RERE: variants seen among roughly 807,000 people sequenced by gnomAD.
The protein encoded by RERE is arginine-glutamic acid dipeptide repeats.
RERE carries 40 observed loss-of-function variants against 146.1 expected under a neutral mutation model. That is an observed-to-expected ratio of 0.27 (90% CI 0.21 to 0.36). The LOEUF is 0.36. RERE is among the 10% of genes least tolerant of loss of function. The pLI is 1.00. For synonymous variants in RERE, 1,003 were observed against 866.0 expected, an observed-to-expected ratio of 1.16 and a Z score of -2.78; for missense variants, 1,933 against 2,138.7, an observed-to-expected ratio of 0.90 and a Z score of 1.90.
intron 1 of RERE, among the ~76,000 whole-genome samples, chr1:8,789,301 A>AAAAAAAAAAAAAATAT: frequency 4.8e-4 from 12 of 24,808 alleles, no homozygotes; most frequent in African/African-American, 1.9e-3. Flanking sequence ...AAAAAAAAAA[A>AAAAAAAAAAAAAATAT]ATATATATAT....
chr1:8,612,634 A>G (rs1343719220), intron 4 of RERE, among the ~76,000 whole-genome samples: 5 of 152,250 alleles, frequency 3.3e-5, no homozygotes, highest in African/African-American at 1.2e-4. Flanking sequence ...CTTAAAATCC[A>G]TTCAGCAATT....
At chr1:8,629,235 G>A (rs1185050086) in intron 2 of RERE, among the ~76,000 whole-genome samples, 1 of 152,134 alleles carries the variant, frequency 6.6e-6, no homozygotes, top group African/African-American at 2.4e-5. Context: ...CATGGGTCTA[G>A]GTTGAGACCT....
chr1:8,462,573 G>A (rs540831228), intron 11 of RERE, among the ~76,000 whole-genome samples: 28 of 152,356 alleles, frequency 1.8e-4, no homozygotes, highest in Non-Finnish European at 3.1e-4. Flanking sequence ...CAGCCTGTCC[G>A]CTGCACAGCA....
intron 12 of RERE, among the ~76,000 whole-genome samples, chr1:8,382,492 A>G (rs1238119912): frequency 3.3e-5 from 5 of 152,268 alleles, no homozygotes; most frequent in African/African-American, 1.2e-4. Flanking sequence ...AGAATGGAGA[A>G]AAACAATGAA....
intron 4 of RERE, among the ~76,000 whole-genome samples, chr1:8,597,090 ATT>A (rs34498274): frequency 4.9e-5 from 7 of 144,304 alleles, no homozygotes; most frequent in Non-Finnish European, 6.0e-5. Flanking sequence ...ACTGATGCTG[ATT>A]TTTTTTTTTT....
chr1:8,803,144 G>A (rs918234368), intron 1 of RERE, among the ~76,000 whole-genome samples: 7 of 152,120 alleles, frequency 4.6e-5, no homozygotes, highest in Admixed American at 4.6e-4. Context: ...TCAATACATG[G>A]GAAGATAAAC....
At chr1:8,685,459 C>T (rs1039481217) in intron 1 of RERE, among the ~76,000 whole-genome samples, 4 of 152,100 alleles carry the variant, frequency 2.6e-5, no homozygotes, top group Non-Finnish European at 4.4e-5. Context: ...CGGTGGCTCA[C>T]GCCTGTAATC....
chr1:8,438,401 T>TA (rs1210754183), intron 11 of RERE, among the ~76,000 whole-genome samples: 1 of 152,246 alleles, frequency 6.6e-6, no homozygotes, highest in African/African-American at 2.4e-5. Flanking sequence ...CAGCATATAG[T>TA]AAGGCAGAAT....
rs185290085 is a variant in RERE at position 8,622,719 on chromosome 1, A to C, written c.396+1591T>G. ...TAAATAGCACATTTGACTTCATCTT[A>C]AAACAGTAAGCATGCAATAACTTAA... On this transcript the variant is annotated intron_variant, in intron 3 of 22. Coordinates refer to ENST00000400908, the MANE Select transcript of RERE (RefSeq NM_001042681.2). 8.3e-3 allele frequency among the ~76,000 whole-genome samples: 1,268 copies of C among 152,282 alleles called. 8 individuals carry two copies. Among genetic ancestry groups the C allele is most frequent in the Non-Finnish European group, 0.014 (969 of 68,020 alleles).
At chr1:8,683,664 C>T (rs1245255921) in intron 1 of RERE, among the ~76,000 whole-genome samples, 3 of 152,014 alleles carry the variant, frequency 2.0e-5, no homozygotes. Context: ...ATAAATTGAC[C>T]AGGCGCAGTG....
At chr1:8,607,609 G>C (rs1198429247) in intron 4 of RERE, among the ~76,000 whole-genome samples, 1 of 127,294 alleles carries the variant, frequency 7.9e-6, no homozygotes, top group Non-Finnish European at 1.6e-5. Flanking sequence ...GCAGTGGTGT[G>C]ATCTTGGCTC....
At chr1:8,612,755 A>C (rs931567135) in intron 4 of RERE, among the ~76,000 whole-genome samples, 1 of 152,234 alleles carries the variant, frequency 6.6e-6, no homozygotes, top group Admixed American at 6.5e-5. Flanking sequence ...GAAATAAGAC[A>C]TATCGGTAAA....
At chr1:8,543,011 T>C (rs1239711273) in intron 6 of RERE, among the ~76,000 whole-genome samples, 2 of 152,234 alleles carry the variant, frequency 1.3e-5, no homozygotes, top group African/African-American at 4.8e-5. Flanking sequence ...AATTATTTGA[T>C]CTTATGTAAA....
At chr1:8,715,807 G>A (rs1410157961) in intron 1 of RERE, among the ~76,000 whole-genome samples, 1 of 152,050 alleles carries the variant, frequency 6.6e-6, no homozygotes, top group Non-Finnish European at 1.5e-5. Context: ...AGGAGACTAA[G>A]GCAGGAGGAT....
intron 1 of RERE, among the ~76,000 whole-genome samples, chr1:8,713,166 T>TA (rs1639701292): frequency 6.6e-6 from 1 of 152,226 alleles, no homozygotes; most frequent in Admixed American, 6.5e-5. Context: ...TGGTAATTTA[T>TA]AAAGGCTAAG....
chr1:8,562,510 A>G (rs1028409947), intron 4 of RERE, among the ~76,000 whole-genome samples: 1 of 152,002 alleles, frequency 6.6e-6, no homozygotes, highest in African/African-American at 2.4e-5. Context: ...TTGTTTAGAG[A>G]CAAGGTCTCA....
chr1:8,810,560 T>C (rs886994574), intron 1 of RERE, among the ~76,000 whole-genome samples: 1 of 152,144 alleles, frequency 6.6e-6, no homozygotes, highest in Non-Finnish European at 1.5e-5. Flanking sequence ...TGAGCAGAGA[T>C]TGCGCCACTG....
intron 12 of RERE, among the ~76,000 whole-genome samples, chr1:8,406,837 A>G (rs1188706167): frequency 6.6e-6 from 1 of 152,128 alleles, no homozygotes; most frequent in Admixed American, 6.5e-5. Context: ...ACGTACATAT[A>G]TAATTTTAGA....
intron 6 of RERE, among the ~76,000 whole-genome samples, chr1:8,551,145 C>A (rs1234839244): frequency 1.3e-5 from 2 of 151,610 alleles, no homozygotes; most frequent in Non-Finnish European, 2.9e-5. Context: ...CAAGTGACTC[C>A]TCCAAATAGG....
Sources: gnomAD v4.1 joint callset for allele counts (sites outside exome capture counted in the v4.1 genomes callset) on GRCh38, gnomAD v4.1.1 for gene constraint, MANE v1.5 for transcripts, NCBI Gene and HGNC (gene_info 2026-07-23, HGNC 2026-07-21) for gene names.